Variants in JPH3 observed in about 807,000 individuals in gnomAD.
JPH3 encodes the protein junctophilin-3.
Under a neutral mutation model 59.6 loss-of-function variants are expected in JPH3, and 11 were observed. The observed-to-expected ratio is 0.18, with a 90% CI of 0.12 to 0.31. JPH3 has a LOEUF of 0.31. Ranked by LOEUF, JPH3 falls within the 10% of genes least tolerant of loss-of-function variation. The probability of loss-of-function intolerance (pLI) is 1.00; values close to 1 mark genes in which losing one functional copy is unlikely to be tolerated. For synonymous variants in JPH3, 673 were observed against 483.6 expected (o/e 1.39, Z -5.14); for missense variants, 1,202 against 1,105.7 (o/e 1.09, Z -1.24).
At chr16:87,644,152 A>C (rs1338011551) in intron 1 of JPH3, 106 bp from the exon 2 acceptor site, 7 of 1,232,614 alleles carry the variant, frequency 5.7e-6, no homozygotes, top group African/African-American at 1.5e-5. Context: ...AACACAAAAC[A>C]ACAGGAAGCT....
At chr16:87,605,241 A>C (rs990792627) in intron 1 of JPH3, among the ~76,000 whole-genome samples, 1 of 152,206 alleles carries the variant, frequency 6.6e-6, no homozygotes, top group Non-Finnish European at 1.5e-5. Context: ...GTTGTCTCTG[A>C]AACTCCTCAG....
Position 87,696,276 on chromosome 16 carries a change from T to A in JPH3, c.2167-304T>A, listed in dbSNP as rs558367578. On this transcript the variant is annotated intron_variant, in intron 4 of 4. Transcript: ENST00000284262. ...TTTGCTTGCAGGGAGGCCTGGGTGG[T>A]TCTCTCCAAGGGGACCCTGGGAGAG... 6.1e-6 allele frequency: 3 copies of A among 491,010 alleles called. No individual in the cohort carries two copies. The Admixed American group carries it at 9.4e-5, about 15-fold the overall frequency. 30.4% of individuals were successfully genotyped at this position (491,010 alleles called of 1,614,324 possible).
In JPH3 at chr16:87,644,516, T is replaced by C. The variant is rs1567596040; in HGVS notation, c.641T>C (p.Leu214Pro). The stretch of plus-strand genomic sequence containing the variant: ...ATCCTCAAGAGCAAGAAGAAGGGGC[T>C]GTTTCGGCGCTCGCTGCTGAGTGGG... ...SEILKSKKKG[L>P]FRRSLLSGLK... Residue 214 changes from leucine (L) to proline (P), a missense_variant, in exon 2 of 5, where the codon CTG (leucine) becomes CCG (proline). Physicochemically the swap from Leu to Pro is moderately conservative, Grantham distance 98. Transcript: ENST00000284262. 6.2e-7 allele frequency: 1 copy of C among 1,612,672 alleles called. No homozygotes were observed. Among genetic ancestry groups the C allele is most frequent in the Non-Finnish European group, 8.5e-7 (1 of 1,179,826 alleles).
chr16:87,664,942 C>T (rs1205452506), intron 2 of JPH3, among the ~76,000 whole-genome samples: 1 of 152,214 alleles, frequency 6.6e-6, no homozygotes, highest in South Asian at 2.1e-4. Flanking sequence ...AGCGCATTTG[C>T]CTGTCCCCTG....
At chr16:87,604,108 C>G (rs1041295448) in intron 1 of JPH3, 1 of 1,326,220 alleles carries the variant, frequency 7.5e-7, no homozygotes, top group Non-Finnish European at 9.8e-7. Context: ...CGCGGACTAG[C>G]GCTGTCGAAG....
intron 2 of JPH3, among the ~76,000 whole-genome samples, chr16:87,669,430 G>A (rs2032958152): frequency 6.6e-6 from 1 of 152,224 alleles, no homozygotes; most frequent in South Asian, 2.1e-4. Flanking sequence ...GCAGGTCTCT[G>A]CAACACACGC....
intron 2 of JPH3, among the ~76,000 whole-genome samples, chr16:87,649,350 C>T (rs1014188310): frequency 6.6e-6 from 1 of 152,242 alleles, no homozygotes; most frequent in African/African-American, 2.4e-5. Context: ...TGACTCATCT[C>T]CTGCCAGGAG....
chr16:87,677,185 T>TATATATACACACACAC (rs1491266129), intron 2 of JPH3, among the ~76,000 whole-genome samples: 4 of 95,158 alleles, frequency 4.2e-5, no homozygotes, highest in African/African-American at 9.5e-5. Flanking sequence ...TATATATATA[T>TATATATACACACACAC]ACACACACAC....
At chr16:87,663,915 T>C (rs2032780632) in intron 2 of JPH3, among the ~76,000 whole-genome samples, 1 of 152,140 alleles carries the variant, frequency 6.6e-6, no homozygotes, top group Admixed American at 6.5e-5. Flanking sequence ...GACTGTGCGG[T>C]TTTGCATGCA....
chr16:87,603,543 C>A lies in JPH3; in HGVS notation c.382+15C>A, dbSNP rs2041457572. 7.1e-6 allele frequency: 11 copies of A among 1,541,428 alleles called. No individual in the cohort carries two copies. The highest frequency in any genetic ancestry group is 8.7e-6 in the Non-Finnish European group (10 of 1,143,500). ...CTCGGACGGAGGTAGGTGCCGCGGG[C>A]CGGGCCGGGCCGGGGCGGGAGGGAC... On this transcript the variant is annotated intron_variant, in intron 1 of 4. Transcript: ENST00000284262.
intron 1 of JPH3, among the ~76,000 whole-genome samples, chr16:87,638,563 G>A (rs922306104): frequency 5.1e-5 from 3 of 59,010 alleles, no homozygotes; most frequent in Non-Finnish European, 1.0e-4. Context: ...TGAGGACAAG[G>A]GTTAGGTAGG....
At chr16:87,627,347 C>A (rs886787198) in intron 1 of JPH3, among the ~76,000 whole-genome samples, 2 of 152,224 alleles carry the variant, frequency 1.3e-5, no homozygotes, top group African/African-American at 4.8e-5. Flanking sequence ...GGGGTCTTGG[C>A]GCTATTGTAA....
At chr16:87,643,935 G>C (rs1162030532) in intron 1 of JPH3, among the ~76,000 whole-genome samples, 1 of 152,120 alleles carries the variant, frequency 6.6e-6, no homozygotes, top group Non-Finnish European at 1.5e-5. Flanking sequence ...CCATGAGTTA[G>C]AAACCAGCCT....
At chr16:87,651,220 C>G (rs1018203073) in intron 2 of JPH3, among the ~76,000 whole-genome samples, 3 of 152,196 alleles carry the variant, frequency 2.0e-5, no homozygotes, top group Non-Finnish European at 2.9e-5. Flanking sequence ...TTGTGATCTA[C>G]TGCTCAGAAA....
intron 2 of JPH3, among the ~76,000 whole-genome samples, chr16:87,661,408 C>G (rs58345847): frequency 2.9e-4 from 44 of 152,214 alleles, no homozygotes; most frequent in African/African-American, 1.1e-3. Flanking sequence ...CTGCTGACCA[C>G]GCTCTCCTCT....
chr16:87,685,353 C>G (rs1036896228), intron 3 of JPH3, among the ~76,000 whole-genome samples: 42 of 152,378 alleles, frequency 2.8e-4, no homozygotes, highest in African/African-American at 1.0e-3. Flanking sequence ...CTCCTGGCCC[C>G]TCCAGACACA....
chr16:87,638,370 C>G (rs935760288), intron 1 of JPH3, among the ~76,000 whole-genome samples: 2 of 152,164 alleles, frequency 1.3e-5, no homozygotes, highest in South Asian at 2.1e-4. Context: ...TCACTGGACA[C>G]CTAAGTGCCT....
chr16:87,635,230 T>G (rs2031697953), intron 1 of JPH3, among the ~76,000 whole-genome samples: 1 of 152,194 alleles, frequency 6.6e-6, no homozygotes, highest in Non-Finnish European at 1.5e-5. Context: ...AGGTGCTCTT[T>G]GGAGGTGTTG....
At chr16:87,602,409 G>A (rs1293775934), upstream of JPH3, among the ~76,000 whole-genome samples, 1 of 105,634 alleles carries the variant, frequency 9.5e-6, no homozygotes. Context: ...GGACCGCCGC[G>A]CTCCGGGGGC....
Sources: allele counts gnomAD v4.1 joint callset (sites outside exome capture counted in the v4.1 genomes callset), GRCh38; gene constraint gnomAD v4.1.1; transcripts MANE v1.5; gene names NCBI Gene and HGNC (gene_info 2026-07-23, HGNC 2026-07-21).